The following SLC4A4 variants were observed in gnomAD, a reference collection of about 807,000 sequenced individuals.
The protein encoded by SLC4A4 is solute carrier family 4 member 4, also known as electrogenic sodium bicarbonate cotransporter 1.
In SLC4A4, 27 loss-of-function variants were observed where a neutral mutation model predicts 111.5. That is an observed-to-expected ratio of 0.24 (90% CI 0.18 to 0.33). The LOEUF is 0.33. SLC4A4 is among the 10% of genes least tolerant of loss of function. SLC4A4 has a pLI of 1.00. For synonymous variants in SLC4A4, 443 were observed against 463.4 expected, an observed-to-expected ratio of 0.96 and a Z score of 0.57; for missense variants, 909 against 1,315.5, an observed-to-expected ratio of 0.69 and a Z score of 4.78.
At chr4:71,289,855 A>G (rs1724197775) in intron 3 of SLC4A4, among the ~76,000 whole-genome samples, 1 of 152,212 alleles carries the variant, frequency 6.6e-6, no homozygotes, top group Non-Finnish European at 1.5e-5. Context: ...TTTGGGATGA[A>G]TTTGATTATT....
intron 2 of SLC4A4, among the ~76,000 whole-genome samples, chr4:71,246,281 T>A (rs1720649627): frequency 6.6e-6 from 1 of 152,158 alleles, no homozygotes; most frequent in Middle Eastern, 3.2e-3. Context: ...TTCCTCGAGG[T>A]AACCTTGGTA....
chr4:71,105,160 T>G (rs1742871279), intron 2 of SLC4A4, among the ~76,000 whole-genome samples: 1 of 145,050 alleles, frequency 6.9e-6, no homozygotes, highest in South Asian at 2.2e-4. Flanking sequence ...ATGAGTGAAC[T>G]CCCATTCACA....
At chr4:71,518,147 G>T (rs1199631254) in intron 16 of SLC4A4, among the ~76,000 whole-genome samples, 1 of 152,068 alleles carries the variant, frequency 6.6e-6, no homozygotes, top group South Asian at 2.1e-4. Context: ...GATCATAGAG[G>T]CTGGCCTAAT....
chr4:71,164,231 A>T (rs1316473012), intron 2 of SLC4A4, among the ~76,000 whole-genome samples: 1 of 152,226 alleles, frequency 6.6e-6, no homozygotes, highest in African/African-American at 2.4e-5. Flanking sequence ...AAATAAAAAA[A>T]TAAGCTGGGC....
intron 2 of SLC4A4, among the ~76,000 whole-genome samples, chr4:71,144,861 G>T (rs2148968379): frequency 6.6e-6 from 1 of 152,250 alleles, no homozygotes; most frequent in Admixed American, 6.5e-5. Flanking sequence ...AGACGATGGG[G>T]TTTTCTAGAT....
intron 3 of SLC4A4, among the ~76,000 whole-genome samples, chr4:71,310,458 A>G (rs866257052): frequency 1.3e-4 from 20 of 152,354 alleles, no homozygotes; most frequent in African/African-American, 4.1e-4. Context: ...GTTACCTACA[A>G]AAGGAAACCT....
chr4:71,214,981 G>A (rs1272694647), intron 1 of SLC4A4, among the ~76,000 whole-genome samples: 2 of 152,234 alleles, frequency 1.3e-5, no homozygotes, highest in Non-Finnish European at 2.9e-5. Context: ...ATTTCCTAGT[G>A]TGCTTAGGAC....
intron 2 of SLC4A4, among the ~76,000 whole-genome samples, chr4:71,166,612 A>G (rs873955): frequency 0.11 from 16,335 of 152,268 alleles, 1,547 homozygotes; most frequent in African/African-American, 0.25. Flanking sequence ...TATGGAATGT[A>G]AATGAAATCA....
intron 3 of SLC4A4, among the ~76,000 whole-genome samples, chr4:71,296,059 A>G (rs994977651): frequency 1.3e-5 from 2 of 152,162 alleles, no homozygotes; most frequent in African/African-American, 2.4e-5. Flanking sequence ...CAGTGGTTCA[A>G]GAATACAGTG....
intron 2 of SLC4A4, among the ~76,000 whole-genome samples, chr4:71,237,434 C>A (rs1353035937): frequency 6.6e-6 from 1 of 152,108 alleles, no homozygotes; most frequent in Non-Finnish European, 1.5e-5. Flanking sequence ...GGGTTATAGG[C>A]AATACTCAAA....
At chr4:71,500,122 A>G (rs1378563758) in intron 16 of SLC4A4, among the ~76,000 whole-genome samples, 1 of 152,260 alleles carries the variant, frequency 6.6e-6, no homozygotes, top group East Asian at 1.9e-4. Flanking sequence ...AACCATCCCA[A>G]CAGGTGTGAG....
At chr4:71,401,251 CT>C (rs1458173101) in intron 7 of SLC4A4, among the ~76,000 whole-genome samples, 26 of 152,178 alleles carry the variant, frequency 1.7e-4, no homozygotes, top group African/African-American at 5.8e-4. Flanking sequence ...TGCACTTTTT[CT>C]TTCTGGCTTT....
chr4:71,560,586 C>A (rs1736889087), intron 23 of SLC4A4, among the ~76,000 whole-genome samples: 1 of 151,702 alleles, frequency 6.6e-6, no homozygotes, highest in East Asian at 1.9e-4. Context: ...TATTTGGTTT[C>A]TATTAATAAC....
rs763781218 is a variant in SLC4A4, at chr4:71,350,082, CTGTT to C, written c.550+13_550+16del. On this transcript the variant is annotated intron_variant, in intron 5 of 25. Transcript: ENST00000264485. Reference sequence around the variant, plus strand: ...CTCCCACAGTTGGTGGGTAAGTATGCTGTTTGAATTTTATCCTATTTTTTTCGGC... The same window carrying C: ...CTCCCACAGTTGGTGGGTAAGTATGCTGAATTTTATCCTATTTTTTTCGGC... 5.6e-6 allele frequency: 9 copies of C among 1,613,924 alleles called. No homozygotes were observed. The Admixed American group carries it at 1.5e-4, about 27-fold the overall frequency.
intron 2 of SLC4A4, among the ~76,000 whole-genome samples, chr4:71,244,120 C>T (rs1720454747): frequency 6.6e-6 from 1 of 152,130 alleles, no homozygotes; most frequent in Non-Finnish European, 1.5e-5. Context: ...AAAATGTCTT[C>T]AAGGTAGAAT....
At chr4:71,191,172 T>C (rs779022583) in intron 1 of SLC4A4, among the ~76,000 whole-genome samples, 4 of 152,244 alleles carry the variant, frequency 2.6e-5, no homozygotes, top group Non-Finnish European at 5.9e-5. Context: ...AGGTTAGGTG[T>C]ATTAGACACA....
chr4:71,541,195 G>A (rs556124390), intron 18 of SLC4A4, among the ~76,000 whole-genome samples: 1 of 152,112 alleles, frequency 6.6e-6, no homozygotes, highest in East Asian at 1.9e-4. Context: ...ATTTTGCAGC[G>A]TTTAGTTTTT....
At chr4:71,484,481 T>C (rs1486670276) in intron 14 of SLC4A4, among the ~76,000 whole-genome samples, 3 of 151,808 alleles carry the variant, frequency 2.0e-5, no homozygotes, top group Non-Finnish European at 4.4e-5. Context: ...TAGTTGTAGA[T>C]GTGCAGTCTT....
chr4:71,443,116 C>CTCTCTCTCTA (rs1198759861), intron 8 of SLC4A4, among the ~76,000 whole-genome samples: 56 of 65,636 alleles, frequency 8.5e-4, no homozygotes, highest in East Asian at 2.2e-3. Flanking sequence ...CTCTCTCTCT[C>CTCTCTCTCTA]TATATATATA....
Sources: allele counts gnomAD v4.1 joint callset (sites outside exome capture counted in the v4.1 genomes callset), GRCh38; gene constraint gnomAD v4.1.1; transcripts MANE v1.5; gene names NCBI Gene and HGNC (gene_info 2026-07-23, HGNC 2026-07-21).